LINGO2: variants seen among roughly 807,000 people sequenced by gnomAD.
LINGO2 encodes the protein leucine rich repeat and Ig domain containing 2, also known as leucine-rich repeat and immunoglobulin-like domain-containing nogo receptor-interacting protein 2.
A neutral mutation model predicts 30.6 loss-of-function variants in LINGO2; 14 were observed. The ratio of observed to expected loss-of-function variants is 0.46; its 90% CI spans 0.30 to 0.72. The LOEUF (loss-of-function observed/expected upper bound fraction) is 0.72, where lower values mean the gene tolerates loss of function less well. Among genes scored for constraint, LINGO2 ranks in the 30% least tolerant of loss-of-function variants. The pLI is 0.07. For missense variants in LINGO2, 729 were observed against 751.7 expected (o/e 0.97, Z 0.35); for synonymous variants, 317 against 288.5 (o/e 1.10, Z -1.00).
At chr9:28,393,713 A>G (rs950096190) in intron 2 of LINGO2, among the ~76,000 whole-genome samples, 21 of 152,132 alleles carry the variant, frequency 1.4e-4, no homozygotes, top group African/African-American at 4.8e-4. Context: ...CACCAGCCTG[A>G]CTTCCAACTT....
At chr9:28,813,249 A>G in the LINGO2 span, among the ~76,000 whole-genome samples, 3 of 152,176 alleles carry the variant, frequency 2.0e-5, no homozygotes, top group African/African-American at 7.2e-5. Context: ...TAAGACCCTC[A>G]GTGGATGCCT....
At chr9:28,030,733 G>A (rs1020993395) in intron 4 of LINGO2, among the ~76,000 whole-genome samples, 15 of 152,110 alleles carry the variant, frequency 9.9e-5, no homozygotes, top group Non-Finnish European at 2.1e-4. Flanking sequence ...ATTCTAACAT[G>A]TTGTAACCCT....
rs1160392021 is a variant in LINGO2, at chr9:28,639,880, T to C, written c.-365+30320A>G. On this transcript the variant is annotated intron_variant, in intron 1 of 5. Coordinates refer to ENST00000379992, the Ensembl canonical transcript of LINGO2. ...CTGTCATTATGATGTTAGCTGGTTA[T>C]TTTGCTCGTTAGTTGATGCAGTTTC... is the stretch of plus-strand genomic sequence containing the variant. Among the ~76,000 whole-genome samples, 12 of 152,162 alleles carry C rather than the reference T, an allele frequency of 7.9e-5. No homozygotes were observed. The East Asian group carries it at 2.3e-3, about 29-fold the overall frequency.
At chr9:28,029,035 G>A (rs1342793574) in intron 4 of LINGO2, among the ~76,000 whole-genome samples, 1 of 152,148 alleles carries the variant, frequency 6.6e-6, no homozygotes, top group Non-Finnish European at 1.5e-5. Context: ...TAGGATAGGC[G>A]GGGCTAGATG....
Position 28,111,656 on chromosome 9 carries a change from G to T in LINGO2, c.-86-99251C>A, listed in dbSNP as rs564683699. Among the ~76,000 whole-genome samples, 4 of 152,216 alleles carry T rather than the reference G, an allele frequency of 2.6e-5. No individual in the cohort carries two copies. In the East Asian group the frequency reaches 7.7e-4, roughly 29 times the overall value. On this transcript the variant is annotated intron_variant, in intron 4 of 5. Coordinates refer to ENST00000379992, the Ensembl canonical transcript of LINGO2. ...CTTTCTGCAAGGATCTTAAAATCAG[G>T]AAAGGGGAGATTGGAAAAAGATAAT...
At chr9:28,609,674 T>A (rs1825833057) in intron 1 of LINGO2, among the ~76,000 whole-genome samples, 1 of 152,116 alleles carries the variant, frequency 6.6e-6, no homozygotes, top group African/African-American at 2.4e-5. Context: ...ATTACAGGAA[T>A]GTAACTTAGA....
chr9:28,447,614 TA>T lies in LINGO2; in HGVS notation c.-279+28325del, dbSNP rs200906797. 8.7e-3 allele frequency among the ~76,000 whole-genome samples: 1,331 copies of T among 152,240 alleles called. 19 individuals are homozygous for T. The highest frequency in any genetic ancestry group is 0.03 in the African/African-American group (1,249 of 41,564). Reference sequence around the variant, plus strand: ...GGGGAACATAGTGAGATCTCATCTCTAAAAAAATTAAACTAATAGATGTTTC... The same window carrying T: ...GGGGAACATAGTGAGATCTCATCTCTAAAAAATTAAACTAATAGATGTTTC... On this transcript the variant is annotated intron_variant, in intron 2 of 5. Coordinates refer to ENST00000379992, the Ensembl canonical transcript of LINGO2.
the LINGO2 span, among the ~76,000 whole-genome samples, chr9:28,773,744 G>A: frequency 3.3e-5 from 5 of 152,240 alleles, no homozygotes; most frequent in African/African-American, 1.2e-4. Flanking sequence ...AATTAGATGT[G>A]GAGAGCAGGC....
intron 1 of LINGO2, among the ~76,000 whole-genome samples, chr9:28,624,061 TA>T (rs1826538276): frequency 6.6e-6 from 1 of 152,130 alleles, no homozygotes; most frequent in African/African-American, 2.4e-5. Flanking sequence ...TTTCCAGTTC[TA>T]ATATTTTTTG....
chr9:28,412,185 G>A (rs76695617), intron 2 of LINGO2, among the ~76,000 whole-genome samples: 110 of 120,556 alleles, frequency 9.1e-4, no homozygotes, highest in East Asian at 1.8e-3. Flanking sequence ...ACTTGTAAGT[G>A]AAAAAAAAAA....
chr9:28,280,308 AAG>A (rs1160948593), intron 4 of LINGO2, among the ~76,000 whole-genome samples: 1 of 152,146 alleles, frequency 6.6e-6, no homozygotes, highest in Non-Finnish European at 1.5e-5. Context: ...TCAGTCCAAC[AAG>A]AGAGCTAAAT....
chr9:29,123,081 G>A, the LINGO2 span, among the ~76,000 whole-genome samples: 1 of 152,044 alleles, frequency 6.6e-6, no homozygotes, highest in East Asian at 1.9e-4. Context: ...GCAAGCCCTT[G>A]TAGTGTACAG....
chr9:28,288,885 G>A (rs1823616733), intron 4 of LINGO2, among the ~76,000 whole-genome samples: 1 of 152,160 alleles, frequency 6.6e-6, no homozygotes, highest in Non-Finnish European at 1.5e-5. Flanking sequence ...TCACCTTGGG[G>A]AAAGCATAGC....
intron 5 of LINGO2, among the ~76,000 whole-genome samples, chr9:28,006,270 GA>G (rs1226390994): frequency 6.6e-6 from 1 of 151,978 alleles, no homozygotes. Context: ...TTTAAATGGG[GA>G]AAAGAGCCAC....
chr9:28,504,754 C>T lies in LINGO2; in HGVS notation c.-364-28729G>A, dbSNP rs186048990. On this transcript the variant is annotated intron_variant, in intron 1 of 5. Transcript: ENST00000379992. ...GGAAAAATATGTCATTGTAAGTACC[C>T]TAAATCAGCTTATAAGTTAGCTGGG... Among the ~76,000 whole-genome samples, 36 of 151,654 alleles carry T rather than the reference C, an allele frequency of 2.4e-4. No individual in the cohort carries two copies. In the East Asian group the frequency reaches 5.8e-3, roughly 24 times the overall value.
chr9:28,267,124 A>T (rs1190041557), intron 4 of LINGO2, among the ~76,000 whole-genome samples: 1 of 152,014 alleles, frequency 6.6e-6, no homozygotes, highest in African/African-American at 2.4e-5. Context: ...TACCTTTGTA[A>T]CTATGTCTTT....
At chr9:28,679,682 T>C in the LINGO2 span, among the ~76,000 whole-genome samples, 10 of 152,100 alleles carry the variant, frequency 6.6e-5, no homozygotes, top group African/African-American at 2.4e-4. Context: ...TTAATAATTA[T>C]ATTTAAATGT....
chr9:28,478,669 C>T (rs1229164088), intron 1 of LINGO2, among the ~76,000 whole-genome samples: 2 of 152,058 alleles, frequency 1.3e-5, no homozygotes, highest in Non-Finnish European at 2.9e-5. Flanking sequence ...CGTACATTTT[C>T]CTCTTCAGAC....
the LINGO2 span, among the ~76,000 whole-genome samples, chr9:28,932,172 C>T: frequency 1.4e-5 from 2 of 146,454 alleles, no homozygotes; most frequent in Non-Finnish European, 3.0e-5. Flanking sequence ...TGGCGGGGGC[C>T]GGGGGGGATC....
Sources: gnomAD v4.1 joint callset for allele counts (sites outside exome capture counted in the v4.1 genomes callset) on GRCh38, gnomAD v4.1.1 for gene constraint, MANE v1.5 for transcripts, NCBI Gene and HGNC (gene_info 2026-07-23, HGNC 2026-07-21) for gene names.